IL1RAPL2: variants seen among roughly 807,000 people sequenced by gnomAD.
IL1RAPL2 encodes the protein interleukin 1 receptor accessory protein like 2.
In IL1RAPL2, 3 loss-of-function variants were observed where a neutral mutation model predicts 44.1. That is an observed-to-expected ratio of 0.07 (90% CI 0.03 to 0.18). The LOEUF (loss-of-function observed/expected upper bound fraction) is 0.18, where lower values mean the gene tolerates loss of function less well. Among genes scored for constraint, IL1RAPL2 ranks in the 10% least tolerant of loss-of-function variants. The pLI, the probability that IL1RAPL2 is intolerant of heterozygous loss-of-function variation, is 1.00. For missense variants in IL1RAPL2, 391 were observed against 496.4 expected (o/e 0.79, Z 2.02); for synonymous variants, 181 against 178.8 (o/e 1.01, Z -0.10).
At chrX:105,683,467 A>G (rs1424022172) in intron 6 of IL1RAPL2, among the ~76,000 whole-genome samples, 1 of 111,442 alleles carries the variant, frequency 9.0e-6, no homozygotes, top group African/African-American at 3.3e-5. Flanking sequence ...CATTGTTGCT[A>G]TCTTTGAATT....
chrX:105,756,004 A>G (rs938633757), intron 10 of IL1RAPL2, among the ~76,000 whole-genome samples: 1 of 111,987 alleles, frequency 8.9e-6, no homozygotes, highest in African/African-American at 3.2e-5. Context: ...GTGCATACAC[A>G]TACACAGTAA....
intron 7 of IL1RAPL2, among the ~76,000 whole-genome samples, chrX:105,721,187 G>A (rs1023446918): frequency 3.6e-5 from 4 of 111,263 alleles, no homozygotes; most frequent in African/African-American, 1.3e-4. Flanking sequence ...AGGCCGAGGT[G>A]GGTGGATCAC....
intron 2 of IL1RAPL2, among the ~76,000 whole-genome samples, chrX:104,684,427 C>T (rs1930945153): frequency 9.0e-6 from 1 of 111,699 alleles, no homozygotes; most frequent in African/African-American, 3.3e-5. Context: ...TGCAGGGAAC[C>T]AACATCAATT....
In IL1RAPL2 at chrX:104,946,322, G is replaced by A. The variant is rs982147445; in HGVS notation, c.83-249153G>A. Among the ~76,000 whole-genome samples, 9 of 77,229 alleles carry A rather than the reference G, an allele frequency of 1.2e-4. No individual in the cohort carries two copies. In the East Asian group the frequency reaches 1.9e-3, roughly 17 times the overall value. 67.1% of individuals were successfully genotyped at this position (77,229 alleles called of 115,157 possible). A position where few individuals can be genotyped will look rare whatever the true frequency, so the allele number is the denominator to read the frequency against. Reference sequence around the variant, plus strand: ...CGGGAAGCGGAGCTTGCAGTGAGCCGAGATTGCGCCACTGCAGTCCGCAGT... The same window carrying A: ...CGGGAAGCGGAGCTTGCAGTGAGCCAAGATTGCGCCACTGCAGTCCGCAGT... On this transcript the variant is annotated intron_variant, in intron 2 of 10. Coordinates refer to ENST00000372582, the MANE Select transcript of IL1RAPL2 (RefSeq NM_017416.2).
chrX:104,579,191 G>T (rs1262600666), intron 1 of IL1RAPL2, among the ~76,000 whole-genome samples: 1 of 111,369 alleles, frequency 9.0e-6, no homozygotes, highest in African/African-American at 3.3e-5. Context: ...ATGGTGCAGA[G>T]AAATCAAAGA....
chrX:104,732,659 A>G (rs916131764), intron 2 of IL1RAPL2, among the ~76,000 whole-genome samples: 3 of 112,013 alleles, frequency 2.7e-5, no homozygotes, highest in Non-Finnish European at 5.6e-5. Flanking sequence ...AAAAATCACC[A>G]GGCCTAGAGG....
intron 1 of IL1RAPL2, among the ~76,000 whole-genome samples, chrX:104,622,802 C>T (rs747853070): frequency 4.9e-4 from 55 of 112,022 alleles, no homozygotes; most frequent in Middle Eastern, 4.2e-3. Flanking sequence ...GCAGAACTCA[C>T]TCTCAAAAAT....
chrX:105,029,750 C>A (rs1402331022), intron 2 of IL1RAPL2, among the ~76,000 whole-genome samples: 1 of 110,917 alleles, frequency 9.0e-6, no homozygotes, highest in East Asian at 2.8e-4. Context: ...GATTTATAAT[C>A]CTTTGGGTAT....
chrX:105,602,487 G>A (rs1602485207), intron 6 of IL1RAPL2, among the ~76,000 whole-genome samples: 2 of 110,849 alleles, frequency 1.8e-5, no homozygotes, highest in East Asian at 5.7e-4. Context: ...TCCAGAAGAT[G>A]AAGACATGGG....
chrX:104,783,784 T>C (rs189366473), intron 2 of IL1RAPL2, among the ~76,000 whole-genome samples: 1 of 108,313 alleles, frequency 9.2e-6, no homozygotes, highest in African/African-American at 3.4e-5. Flanking sequence ...CATTCTATTA[T>C]ACTTCTATTG....
chrX:105,052,356 G>A (rs191930151), intron 2 of IL1RAPL2, among the ~76,000 whole-genome samples: 10 of 112,111 alleles, frequency 8.9e-5, no homozygotes, highest in East Asian at 5.6e-4. Flanking sequence ...ACAACTAGCC[G>A]TAAAGAAAAC....
intron 5 of IL1RAPL2, among the ~76,000 whole-genome samples, chrX:105,284,593 C>G (rs2034556961): frequency 8.9e-6 from 1 of 111,913 alleles, no homozygotes; most frequent in Admixed American, 9.5e-5. Context: ...AGAATAAAGC[C>G]TGGTACATAG....
chrX:104,950,731 C>T (rs1390432648), intron 2 of IL1RAPL2, among the ~76,000 whole-genome samples: 7 of 106,955 alleles, frequency 6.5e-5, no homozygotes, highest in East Asian at 6.0e-4. Flanking sequence ...TTTTTTGAGA[C>T]GGAGTCTCGC....
intron 2 of IL1RAPL2, among the ~76,000 whole-genome samples, chrX:104,698,971 T>A (rs1931226587): frequency 9.0e-6 from 1 of 111,403 alleles, no homozygotes; most frequent in South Asian, 3.8e-4. Flanking sequence ...TCCCTCTCCC[T>A]CCTCATCCCC....
chrX:105,089,491 G>A (rs181719718), intron 2 of IL1RAPL2, among the ~76,000 whole-genome samples: 228 of 110,294 alleles, frequency 2.1e-3, no homozygotes, highest in African/African-American at 6.3e-3. Context: ...GGTCTTCTAC[G>A]TCAATGCCCT....
At chrX:104,604,307 C>T (rs1175037624) in intron 1 of IL1RAPL2, among the ~76,000 whole-genome samples, 1 of 111,466 alleles carries the variant, frequency 9.0e-6, no homozygotes, top group Non-Finnish European at 1.9e-5. Context: ...CTGAAGGAAG[C>T]ACTAAACATG....
At chrX:105,082,917 G>A (rs1046703202) in intron 2 of IL1RAPL2, among the ~76,000 whole-genome samples, 1 of 110,967 alleles carries the variant, frequency 9.0e-6, no homozygotes, top group South Asian at 3.9e-4. Flanking sequence ...ACAACTCCTC[G>A]CCAGCAAGGA....
chrX:104,814,702 T>C (rs771776837), intron 2 of IL1RAPL2, among the ~76,000 whole-genome samples: 1 of 112,253 alleles, frequency 8.9e-6, no homozygotes, highest in Non-Finnish European at 1.9e-5. Context: ...TATGGAGGCA[T>C]GGATTTAGAT....
chrX:104,847,561 T>C (rs1256732275), intron 2 of IL1RAPL2, among the ~76,000 whole-genome samples: 1 of 111,892 alleles, frequency 8.9e-6, no homozygotes, highest in Non-Finnish European at 1.9e-5. Flanking sequence ...TATCTCTGTT[T>C]TGGTACCAGT....
Sources: allele counts gnomAD v4.1 joint callset (sites outside exome capture counted in the v4.1 genomes callset), GRCh38; gene constraint gnomAD v4.1.1; transcripts MANE v1.5; gene names NCBI Gene and HGNC (gene_info 2026-07-23, HGNC 2026-07-21).